The following XPNPEP2 variants were observed in gnomAD, a reference collection of about 807,000 sequenced individuals.
XPNPEP2 encodes the protein X-prolyl aminopeptidase 2.
A neutral mutation model predicts 59.8 loss-of-function variants in XPNPEP2; 64 were observed. The observed-to-expected ratio is 1.07, with a 90% CI of 0.87 to 1.32. The LOEUF (loss-of-function observed/expected upper bound fraction) is 1.32, where lower values mean the gene tolerates loss of function less well. Among genes scored for constraint, XPNPEP2 ranks in the 40% most tolerant of loss-of-function variants. The probability of loss-of-function intolerance (pLI) is 0.00; values close to 1 mark genes in which losing one functional copy is unlikely to be tolerated. For synonymous variants in XPNPEP2, 235 were observed against 210.0 expected (o/e 1.12, Z -1.03); for missense variants, 575 against 546.8 (o/e 1.05, Z -0.51).
chrX:129,752,308 G>A lies in XPNPEP2; in HGVS notation c.980G>A (p.Ser327Asn). Residue 327 changes from serine to asparagine, a missense_variant, in exon 10 of 21, where the codon AGC becomes AAC. Transcript: ENST00000371106. ...GATGTGAGGATCTGGATTGGGACCAGCTATACCATGTATGGGATCTATGAA... is the reference window on the plus strand; with the variant it reads ...GATGTGAGGATCTGGATTGGGACCAACTATACCATGTATGGGATCTATGAA... ...LGDVRIWIGT[S>N]YTMYGIYEMI... 3.3e-6 allele frequency: 4 copies of A among 1,211,878 alleles called. No homozygotes were observed. Among genetic ancestry groups the A allele is most frequent in the African/African-American group, 1.7e-5 (1 of 57,851 alleles).
intron 1 of XPNPEP2, among the ~76,000 whole-genome samples, chrX:129,740,807 G>A (rs1343209697): frequency 2.8e-5 from 3 of 108,302 alleles, no homozygotes; most frequent in African/African-American, 1.0e-4. Flanking sequence ...TGGGTGTGGT[G>A]GGTGCATGCC....
rs748647251 is a variant in XPNPEP2 at position 129,742,130 on chromosome X, G to A, written c.72G>A (p.Lys24=). 5 of 1,208,274 alleles carry A rather than the reference G, an allele frequency of 4.1e-6. No homozygotes were observed. The highest frequency in any genetic ancestry group is 5.6e-6 in the Non-Finnish European group (5 of 894,250). Residue 24 remains lysine (K), a synonymous_variant, in exon 2 of 21, where the codon AAG becomes AAA. Transcript: ENST00000371106. ...LLCACAWGHT[K]PVDLGGQDVR... ...TAGCTTGTGCCTGGGGCCACACAAA[G>A]CCAGTGGACCTTGGAGGGCAGGATG... is the stretch of plus-strand genomic sequence containing the variant.
chrX:129,757,877 G>A (rs908902844), intron 14 of XPNPEP2, among the ~76,000 whole-genome samples: 28 of 72,221 alleles, frequency 3.9e-4, no homozygotes, highest in African/African-American at 1.5e-3. Context: ...GAGAGAAAGA[G>A]AGAGAGAGAG....
chrX:129,751,931 C>G, intron 9 of XPNPEP2, 105 bp downstream of exon 9: 1 of 890,402 alleles, frequency 1.1e-6, no homozygotes. Flanking sequence ...GGCTGCCCAT[C>G]AGCTCGGCGC....
chrX:129,765,390 C>T (rs761607678), intron 19 of XPNPEP2, among the ~76,000 whole-genome samples: 2 of 111,321 alleles, frequency 1.8e-5, no homozygotes, highest in Non-Finnish European at 1.9e-5. Context: ...ACATATCTGG[C>T]GTAGGGATTT....
At chrX:129,756,002 T>TGGA (rs1926510401) in intron 13 of XPNPEP2, among the ~76,000 whole-genome samples, 1 of 111,878 alleles carries the variant, frequency 8.9e-6, no homozygotes, top group Non-Finnish European at 1.9e-5. Context: ...AGCCCCACCC[T>TGGA]GGAGGTATCC....
At position 129,759,174 on chromosome X, in the gene XPNPEP2, C is replaced by T; in HGVS notation, c.1368-6C>T. ...CATTTGGCATGTTGGTTTTCCTTCTCCATAGGGACGGGACCACAGACATCA... is the reference window on the plus strand; with the variant it reads ...CATTTGGCATGTTGGTTTTCCTTCTTCATAGGGACGGGACCACAGACATCA... On this transcript the variant is annotated splice_region_variant and splice_polypyrimidine_tract_variant and intron_variant, in intron 14 of 20. Coordinates refer to ENST00000371106, the MANE Select transcript of XPNPEP2 (RefSeq NM_003399.6). 8.3e-7 allele frequency: 1 copy of T among 1,211,684 alleles called. No individual in the cohort carries two copies. Among genetic ancestry groups the T allele is most frequent in the Non-Finnish European group, 1.1e-6 (1 of 895,474 alleles).
chrX:129,739,242 C>T lies in XPNPEP2; in HGVS notation c.29C>T (p.Pro10Leu). MARAHWGCC[P>L]WLVLLCACAW... The stretch of plus-strand genomic sequence containing the variant: ...GCCCGGGCTCACTGGGGCTGCTGCC[C>T]CTGGCTGGTCCTCCTCTGTGGTATG... The change falls in exon 1 of 21, where the codon CCC (proline) becomes CTC (leucine). Residue 10 changes from proline to leucine, a missense_variant. Coordinates refer to ENST00000371106, the MANE Select transcript of XPNPEP2 (RefSeq NM_003399.6). 1 of 1,209,497 alleles carries T rather than the reference C, an allele frequency of 8.3e-7. No homozygotes were observed. Among genetic ancestry groups the T allele is most frequent in the South Asian group, 1.8e-5 (1 of 56,979 alleles).
At chrX:129,747,124 C>A (rs73225585) in intron 6 of XPNPEP2, among the ~76,000 whole-genome samples, 83 of 111,348 alleles carry the variant, frequency 7.5e-4, no homozygotes, top group Non-Finnish European at 1.3e-3. Context: ...CCTGAGAATA[C>A]AACTCCCGGA....
intron 20 of XPNPEP2, 50 bp from the exon 21 acceptor site, chrX:129,768,241 C>T (rs1926788195): frequency 4.5e-6 from 5 of 1,109,986 alleles, no homozygotes; most frequent in Non-Finnish European, 6.0e-6. Flanking sequence ...AAGACTTCAC[C>T]TCTTGGCAGC....
At chrX:129,739,391 G>C in intron 1 of XPNPEP2, 129 bp downstream of exon 1, 1 of 682,075 alleles carries the variant, frequency 1.5e-6, no homozygotes, top group Non-Finnish European at 2.2e-6. Flanking sequence ...TTGAGGAAGA[G>C]ACACCTCAGG....
intron 17 of XPNPEP2, among the ~76,000 whole-genome samples, chrX:129,761,609 G>C (rs762926559): frequency 8.9e-6 from 1 of 112,204 alleles, no homozygotes; most frequent in East Asian, 2.8e-4. Flanking sequence ...ATCACTTGAG[G>C]CCAGGAGTTT....
At chrX:129,740,401 C>T (rs1422351898) in intron 1 of XPNPEP2, among the ~76,000 whole-genome samples, 10 of 111,595 alleles carry the variant, frequency 9.0e-5, no homozygotes, top group East Asian at 5.7e-4. Context: ...CCATGGCAGG[C>T]GGATCACTTG....
intron 4 of XPNPEP2, 60 bp from the exon 5 acceptor site, chrX:129,746,176 C>T: frequency 2.0e-6 from 2 of 1,016,935 alleles, no homozygotes; most frequent in Non-Finnish European, 2.8e-6. Flanking sequence ...GCACATCCAT[C>T]AGCTAATGCC....
At chrX:129,751,919 C>A in intron 9 of XPNPEP2, 93 bp downstream of exon 9, 2 of 965,323 alleles carry the variant, frequency 2.1e-6, no homozygotes, top group Non-Finnish European at 2.9e-6. Context: ...ATACAGCCCT[C>A]TGGCTGCCCA....
At chrX:129,752,091 T>C in intron 9 of XPNPEP2, 59 bp from the exon 10 acceptor site, 1 of 1,157,676 alleles carries the variant, frequency 8.6e-7, no homozygotes, top group Non-Finnish European at 1.2e-6. Context: ...TGACTGCCTC[T>C]GGTCCTTTGC....
chrX:129,768,364 T>C lies in XPNPEP2; in HGVS notation c.1904T>C (p.Leu635Pro), dbSNP rs751255039. The C allele has an allele frequency of 1.7e-6, 2 of 1,210,012 alleles. No individual in the cohort carries two copies. Among genetic ancestry groups the C allele is most frequent in the Non-Finnish European group, 2.2e-6 (2 of 894,701 alleles). Residue 635 changes from leucine (L) to proline (P), a missense_variant, in exon 21 of 21, where the codon CTA becomes CCA. Leu to Pro is a moderately conservative substitution (Grantham distance 98, BLOSUM62 -3). Coordinates refer to ENST00000371106, the MANE Select transcript of XPNPEP2 (RefSeq NM_003399.6). ...CCAGAGCTGCAGAGGCGCCAGCTAC[T>C]AGAGGAGTTCGAGTGGCTTCAACAG... ...VGPELQRRQL[L>P]EEFEWLQQHT... is the part of the protein sequence containing the mutation.
intron 10 of XPNPEP2, among the ~76,000 whole-genome samples, 164 bp downstream of exon 10, chrX:129,752,509 A>G (rs1489794401): frequency 1.8e-5 from 2 of 112,075 alleles, no homozygotes; most frequent in Admixed American, 9.4e-5. Flanking sequence ...GAGCCAGAAG[A>G]GGAAACAGGG....
rs886730932 is a variant in XPNPEP2, at chrX:129,762,828, G to A, written c.1740+58G>A. On this transcript the variant is annotated intron_variant, in intron 19 of 20. Transcript: ENST00000371106. ...GGCAGCATGTCAGTGACTTTGGGCT[G>A]CATGGGAGGAAAGTGGGGAGGAAGA... 1.7e-5 allele frequency: 18 copies of A among 1,040,779 alleles called. No individual in the cohort carries two copies. In the African/African-American group the frequency reaches 2.8e-4, roughly 16 times the overall value. The allele number at this position is 1,040,779 out of a possible 1,213,427, so 85.8% of individuals were successfully genotyped here. A position where few individuals can be genotyped will look rare whatever the true frequency, so the allele number is the denominator to read the frequency against.
Sources: allele counts gnomAD v4.1 joint callset (sites outside exome capture counted in the v4.1 genomes callset), GRCh38; gene constraint gnomAD v4.1.1; transcripts MANE v1.5; gene names NCBI Gene and HGNC (gene_info 2026-07-23, HGNC 2026-07-21).